The following TMEM117 variants were observed in gnomAD, a reference collection of about 807,000 sequenced individuals.
TMEM117 encodes the protein transmembrane protein 117.
In TMEM117, 27 loss-of-function variants were observed where a neutral mutation model predicts 52.4. The ratio of observed to expected loss-of-function variants is 0.51; its 90% CI spans 0.38 to 0.71. TMEM117 has a LOEUF of 0.71. Ranked by LOEUF, TMEM117 falls within the 30% of genes least tolerant of loss-of-function variation. The probability of loss-of-function intolerance (pLI) is 0.00; values close to 1 mark genes in which losing one functional copy is unlikely to be tolerated. For synonymous variants in TMEM117, 215 were observed against 206.3 expected (o/e 1.04, Z -0.36); for missense variants, 556 against 630.5 (o/e 0.88, Z 1.26).
intron 2 of TMEM117, among the ~76,000 whole-genome samples, chr12:43,854,693 G>A (rs1275180259): frequency 6.6e-6 from 1 of 151,954 alleles, no homozygotes; most frequent in Non-Finnish European, 1.5e-5. Flanking sequence ...CTGGAGTGTG[G>A]TGGCGTGATC....
chr12:44,091,090 A>G (rs901178293), intron 3 of TMEM117, among the ~76,000 whole-genome samples: 1 of 152,110 alleles, frequency 6.6e-6, no homozygotes, highest in Non-Finnish European at 1.5e-5. Flanking sequence ...ATGGCTGGGG[A>G]GGCCTCAGAA....
intron 3 of TMEM117, among the ~76,000 whole-genome samples, chr12:43,990,387 A>G (rs952233122): frequency 2.0e-5 from 3 of 152,240 alleles, no homozygotes; most frequent in Non-Finnish European, 4.4e-5. Flanking sequence ...AGATACTATC[A>G]TGGGACATTT....
chr12:44,051,558 T>C (rs1371412685), intron 3 of TMEM117, among the ~76,000 whole-genome samples: 1 of 152,228 alleles, frequency 6.6e-6, no homozygotes, highest in Non-Finnish European at 1.5e-5. Context: ...AAATATTTCC[T>C]GTCCTGTCAA....
At chr12:44,362,006 C>G (rs1308222318) in intron 6 of TMEM117, among the ~76,000 whole-genome samples, 2 of 152,170 alleles carry the variant, frequency 1.3e-5, no homozygotes, top group Admixed American at 1.3e-4. Context: ...TAATTGAGCA[C>G]TTGCTTTGCT....
rs186680914 is a variant in TMEM117 at position 44,152,978 on chromosome 12, A to G, written c.510+9354A>G. 4.4e-3 allele frequency among the ~76,000 whole-genome samples: 658 copies of G among 151,070 alleles called. 7 individuals carry two copies. The highest frequency in any genetic ancestry group is 0.015 in the African/African-American group (627 of 41,240). ...ATACACACACACATATTTTAGAATC[A>G]TGGTGGGCCTGCAGGAGGTGCTAAC... is the stretch of plus-strand genomic sequence containing the variant. On this transcript the variant is annotated intron_variant, in intron 4 of 7. Transcript: ENST00000266534.
chr12:44,253,835 TACAC>T (rs10565033), intron 5 of TMEM117, among the ~76,000 whole-genome samples: 10,218 of 136,200 alleles, frequency 0.075, 389 homozygotes, highest in African/African-American at 0.12. Context: ...TGATAATTCC[TACAC>T]ACACACACAC....
chr12:44,167,081 T>C (rs2138270885), intron 4 of TMEM117, among the ~76,000 whole-genome samples: 1 of 152,344 alleles, frequency 6.6e-6, no homozygotes, highest in Non-Finnish European at 1.5e-5. Flanking sequence ...AAGTGTAGTA[T>C]ACATGCACTA....
Position 44,388,472 on chromosome 12 carries a change from A to G in TMEM117, c.1345A>G (p.Thr449Ala), listed in dbSNP as rs752861904. Residue 449 changes from threonine to alanine, a missense_variant, in exon 8 of 8, where the codon ACT becomes GCT. Transcript: ENST00000266534. ...PSEHSKDMGITRENTQASVED... is the reference protein window; with the variant it reads ...PSEHSKDMGIARENTQASVED... ...AGAACATAGCAAAGACATGGGAATCACTCGAGAAAACACCCAGGCTTCAGT... is the reference window on the plus strand; with the variant it reads ...AGAACATAGCAAAGACATGGGAATCGCTCGAGAAAACACCCAGGCTTCAGT... 1.2e-5 allele frequency: 19 copies of G among 1,613,308 alleles called. No homozygotes were observed. Among genetic ancestry groups the G allele is most frequent in the Non-Finnish European group, 1.6e-5 (19 of 1,179,670 alleles).
chr12:44,270,193 A>G (rs1436330774), intron 5 of TMEM117, among the ~76,000 whole-genome samples: 1 of 152,160 alleles, frequency 6.6e-6, no homozygotes, highest in African/African-American at 2.4e-5. Flanking sequence ...TAAACTCCAT[A>G]TTTAATAACT....
chr12:44,281,229 A>G (rs950547849), intron 5 of TMEM117, among the ~76,000 whole-genome samples: 1 of 152,186 alleles, frequency 6.6e-6, no homozygotes, highest in African/African-American at 2.4e-5. Flanking sequence ...GTATAATTTC[A>G]GGTAATTTTT....
intron 3 of TMEM117, among the ~76,000 whole-genome samples, chr12:44,104,317 C>A (rs1374828805): frequency 4.6e-5 from 7 of 151,872 alleles, no homozygotes; most frequent in Admixed American, 4.6e-4. Context: ...CTCCACTCCT[C>A]CTTCCCTTTA....
chr12:44,192,043 G>A (rs1162980757), intron 4 of TMEM117, among the ~76,000 whole-genome samples: 1 of 152,100 alleles, frequency 6.6e-6, no homozygotes, highest in Non-Finnish European at 1.5e-5. Context: ...ATGTATAAGG[G>A]TAGGATTGGT....
intron 6 of TMEM117, among the ~76,000 whole-genome samples, chr12:44,366,547 A>G (rs374931383): frequency 1.3e-5 from 2 of 151,972 alleles, no homozygotes; most frequent in African/African-American, 2.4e-5. Context: ...CCTCTCTTAC[A>G]TGAGGATGGA....
At chr12:43,974,983 A>G (rs1945650075) in intron 3 of TMEM117, among the ~76,000 whole-genome samples, 1 of 152,184 alleles carries the variant, frequency 6.6e-6, no homozygotes, top group South Asian at 2.1e-4. Context: ...TTAACCTATC[A>G]CAATCAAAAT....
chr12:43,810,408 A>T, the TMEM117 span, among the ~76,000 whole-genome samples: 1 of 152,118 alleles, frequency 6.6e-6, no homozygotes, highest in African/African-American at 2.4e-5. Flanking sequence ...TGTACAGGAG[A>T]TATTATCTCA....
chr12:43,835,449 T>C (rs116593795), upstream of TMEM117, among the ~76,000 whole-genome samples: 1,152 of 152,218 alleles, frequency 7.6e-3, 13 homozygotes, highest in African/African-American at 0.025. Flanking sequence ...TGTGCATCTC[T>C]ATGTGTGTAT....
At chr12:44,003,538 A>ACCCC (rs1946147813) in intron 3 of TMEM117, among the ~76,000 whole-genome samples, 1 of 151,390 alleles carries the variant, frequency 6.6e-6, no homozygotes, top group East Asian at 1.9e-4. Context: ...ATGAACCCAC[A>ACCCC]CCCCCTCACA....
At chr12:44,114,398 T>C (rs1948097932) in intron 3 of TMEM117, among the ~76,000 whole-genome samples, 1 of 152,162 alleles carries the variant, frequency 6.6e-6, no homozygotes, top group Non-Finnish European at 1.5e-5. Context: ...ATTAAGGTGC[T>C]CACCTCTGCA....
At chr12:44,277,085 C>G (rs960978525) in intron 5 of TMEM117, among the ~76,000 whole-genome samples, 1 of 152,126 alleles carries the variant, frequency 6.6e-6, no homozygotes, top group African/African-American at 2.4e-5. Flanking sequence ...GAGGTAGATA[C>G]AGCCTTCCTT....
Sources: gnomAD v4.1 joint callset for allele counts (sites outside exome capture counted in the v4.1 genomes callset) on GRCh38, gnomAD v4.1.1 for gene constraint, MANE v1.5 for transcripts, NCBI Gene and HGNC (gene_info 2026-07-23, HGNC 2026-07-21) for gene names.